The following KIF16B variants were observed in gnomAD, a reference collection of about 807,000 sequenced individuals.
The protein encoded by KIF16B is kinesin-like protein KIF16B.
KIF16B carries 98 observed loss-of-function variants against 156.3 expected under a neutral mutation model. The ratio of observed to expected loss-of-function variants is 0.63; its 90% CI spans 0.53 to 0.74. The LOEUF is 0.74. KIF16B is among the 30% of genes least tolerant of loss of function. KIF16B has a pLI of 0.00. For missense variants in KIF16B, 1,421 were observed against 1,606.5 expected (o/e 0.88, Z 1.97); for synonymous variants, 564 against 583.7 (o/e 0.97, Z 0.49).
At chr20:16,413,479 A>G (rs186528979) in intron 15 of KIF16B, among the ~76,000 whole-genome samples, 1 of 152,298 alleles carries the variant, frequency 6.6e-6, no homozygotes, top group East Asian at 1.9e-4. Context: ...CTGCACAAAT[A>G]AAACAACTCA....
At chr20:16,471,581 T>A (rs191040850) in intron 12 of KIF16B, among the ~76,000 whole-genome samples, 1 of 152,224 alleles carries the variant, frequency 6.6e-6, no homozygotes, top group African/African-American at 2.4e-5. Flanking sequence ...GCAAACAGCA[T>A]AGACATTTCT....
intron 12 of KIF16B, among the ~76,000 whole-genome samples, chr20:16,476,135 GTT>G (rs943445197): frequency 6.6e-6 from 1 of 152,164 alleles, no homozygotes; most frequent in Non-Finnish European, 1.5e-5. Context: ...GGCAGAGCGT[GTT>G]TTCCTATCTA....
intron 17 of KIF16B, 49 bp from the exon 18 acceptor site, chr20:16,381,796 T>G: frequency 6.9e-7 from 1 of 1,440,024 alleles, no homozygotes; most frequent in Non-Finnish European, 9.7e-7. Flanking sequence ...AGCTTTTCTA[T>G]CTCTCTCTCA....
chr20:16,410,070 G>A (rs541492264), intron 15 of KIF16B, among the ~76,000 whole-genome samples: 16 of 74,518 alleles, frequency 2.1e-4, no homozygotes, highest in Admixed American at 6.8e-4. Flanking sequence ...TATATATGTA[G>A]GTACATATAT....
intron 25 of KIF16B, among the ~76,000 whole-genome samples, chr20:16,293,188 G>A (rs1321961076): frequency 1.3e-5 from 2 of 152,166 alleles, no homozygotes; most frequent in Non-Finnish European, 2.9e-5. Flanking sequence ...GGCAGAAATC[G>A]ATAGAACCCA....
At chr20:16,396,611 T>TG (rs2065508701) in intron 17 of KIF16B, among the ~76,000 whole-genome samples, 1 of 150,348 alleles carries the variant, frequency 6.7e-6, no homozygotes, top group Non-Finnish European at 1.5e-5. Flanking sequence ...AACAGAGGTA[T>TG]GGGCTAGAAG....
intron 12 of KIF16B, among the ~76,000 whole-genome samples, chr20:16,458,981 T>A (rs1380333437): frequency 6.6e-6 from 1 of 152,188 alleles, no homozygotes; most frequent in Admixed American, 6.5e-5. Context: ...CTGCTCACTT[T>A]TAAAAATGAA....
At chr20:16,447,317 CTTTT>C (rs1018151034) in intron 12 of KIF16B, among the ~76,000 whole-genome samples, 7 of 151,594 alleles carry the variant, frequency 4.6e-5, no homozygotes, top group Non-Finnish European at 1.5e-5. Flanking sequence ...AAAAAAGTTC[CTTTT>C]TTTTAATCAC....
At position 16,504,459 on chromosome 20, in the gene KIF16B, G is replaced by A; in HGVS notation, c.1089C>T (p.Thr363=). 2.5e-6 allele frequency: 4 copies of A among 1,614,068 alleles called. 1 individual carries two copies. In the South Asian group the frequency reaches 4.4e-5, roughly 18 times the overall value. Residue 363 remains threonine (T), a synonymous_variant, in exon 10 of 26, where the codon ACC becomes ACT. Coordinates refer to ENST00000354981, the MANE Select transcript of KIF16B (RefSeq NM_024704.5). ...GTTTGACGTTGGCATCCTCATTAAT[G>A]GTAGGCTTGTTGATGATGTTTTTGG... The part of the protein sequence containing the change: ...NRAKNIINKP[T]INEDANVKLI...
intron 22 of KIF16B, among the ~76,000 whole-genome samples, chr20:16,359,209 A>T (rs1406602839): frequency 1.3e-5 from 2 of 152,126 alleles, no homozygotes; most frequent in African/African-American, 2.4e-5. Flanking sequence ...GAGTTGTAAT[A>T]ATCTTGGTGT....
chr20:16,307,107 C>G (rs2063552064), intron 25 of KIF16B, among the ~76,000 whole-genome samples: 1 of 152,126 alleles, frequency 6.6e-6, no homozygotes, highest in Non-Finnish European at 1.5e-5. Flanking sequence ...CTCCAGTTTT[C>G]TAGGCAGTTT....
At chr20:16,432,996 T>C (rs538810087) in intron 12 of KIF16B, among the ~76,000 whole-genome samples, 1 of 152,184 alleles carries the variant, frequency 6.6e-6, no homozygotes, top group Non-Finnish European at 1.5e-5. Flanking sequence ...GCAAGGAATA[T>C]GCAAATCTCA....
At chr20:16,454,892 C>G (rs554148971) in intron 12 of KIF16B, among the ~76,000 whole-genome samples, 1 of 152,338 alleles carries the variant, frequency 6.6e-6, no homozygotes, top group South Asian at 2.1e-4. Context: ...TCAGAACTCT[C>G]TCAAGAAATA....
intron 1 of KIF16B, among the ~76,000 whole-genome samples, chr20:16,564,231 A>C (rs779165178): frequency 6.6e-6 from 1 of 152,172 alleles, no homozygotes; most frequent in Non-Finnish European, 1.5e-5. Flanking sequence ...GATGGTTTCC[A>C]GCTTCACCCA....
At chr20:16,549,448 C>T (rs1448744517) in intron 1 of KIF16B, among the ~76,000 whole-genome samples, 1 of 151,648 alleles carries the variant, frequency 6.6e-6, no homozygotes, top group Non-Finnish European at 1.5e-5. Context: ...CATTGTTGGA[C>T]ATTTGGGTTG....
chr20:16,512,760 A>T, intron 5 of KIF16B, 66 bp downstream of exon 5: 1 of 1,090,548 alleles, frequency 9.2e-7, no homozygotes, highest in Non-Finnish European at 1.4e-6. Context: ...CCAGCACCTA[A>T]ATGCAGGCCA....
At position 16,526,185 on chromosome 20, in the gene KIF16B, C is replaced by T. The variant is rs1555794277; in HGVS notation, c.138G>A (p.Gly46=). The change falls in exon 3 of 26, where the codon GGG becomes GGA. Residue 46 remains glycine (G), a synonymous_variant. Transcript: ENST00000354981. ...TCTTGGTCCGTTCTCTTCCTGAGTC[C>T]CCAGTGCCTCCTTCTGGTATCTAGA... ...TNLKIPEGGT[G]DSGRERTKTF... The T allele has an allele frequency of 3.2e-6, 5 of 1,587,008 alleles. No homozygotes were observed. Among genetic ancestry groups the T allele is most frequent in the Non-Finnish European group, 4.3e-6 (5 of 1,163,914 alleles).
At chr20:16,519,140 C>G (rs2069243415) in intron 3 of KIF16B, among the ~76,000 whole-genome samples, 1 of 152,182 alleles carries the variant, frequency 6.6e-6, no homozygotes, top group African/African-American at 2.4e-5. Context: ...CAACATAGCA[C>G]ATATGAACAC....
chr20:16,374,404 T>A lies in KIF16B; in HGVS notation c.3203A>T (p.Glu1068Val). Reference sequence around the variant, plus strand: ...CTGTTTCAGCTGCTGGATTTCATATTCTAACCTACACAGATAGGAGCCACA... The same window carrying A: ...CTGTTTCAGCTGCTGGATTTCATATACTAACCTACACAGATAGGAGCCACA... Reference protein sequence around the residue: ...EALEKDQERLEYEIQQLKQKI... With the variant: ...EALEKDQERLVYEIQQLKQKI... Residue 1068 changes from glutamate to valine, a missense_variant, in exon 20 of 26, where the codon GAA becomes GTA. By Grantham distance (121) the Glu-to-Val change is moderately radical. Transcript: ENST00000354981. 1 of 1,581,226 alleles carries A rather than the reference T, an allele frequency of 6.3e-7. No individual in the cohort carries two copies. The highest frequency in any genetic ancestry group is 8.6e-7 in the Non-Finnish European group (1 of 1,160,594).
Sources: allele counts gnomAD v4.1 joint callset (sites outside exome capture counted in the v4.1 genomes callset), GRCh38; gene constraint gnomAD v4.1.1; transcripts MANE v1.5; gene names NCBI Gene and HGNC (gene_info 2026-07-23, HGNC 2026-07-21).